Variants in UBR2 observed in about 807,000 individuals in gnomAD.
UBR2 encodes the protein E3 ubiquitin-protein ligase UBR2.
In UBR2, 92 loss-of-function variants were observed where a neutral mutation model predicts 247.9. The ratio of observed to expected loss-of-function variants is 0.37; its 90% CI spans 0.31 to 0.44. The LOEUF (loss-of-function observed/expected upper bound fraction) is 0.44, where lower values mean the gene tolerates loss of function less well. Among genes scored for constraint, UBR2 ranks in the 20% least tolerant of loss-of-function variants. The pLI, the probability that UBR2 is intolerant of heterozygous loss-of-function variation, is 1.00. For missense variants in UBR2, 1,613 were observed against 2,112.6 expected (o/e 0.76, Z 4.64); for synonymous variants, 672 against 693.5 (o/e 0.97, Z 0.49).
Position 42,564,346 on chromosome 6 carries a change from G to A in UBR2, c.27G>A (p.Val9=). The change falls in exon 1 of 47, where the codon GTG becomes GTA. Residue 9 remains valine, a synonymous_variant. Coordinates refer to ENST00000372901, the MANE Select transcript of UBR2 (RefSeq NM_001363705.2). Reference sequence around the variant, plus strand: ...TGGCGTCGGAGCTAGAGCCAGAGGTGCAGGCCATCGACCGGAGCTTGCTGG... The same window carrying A: ...TGGCGTCGGAGCTAGAGCCAGAGGTACAGGCCATCGACCGGAGCTTGCTGG... The part of the protein sequence containing the change: MASELEPE[V]QAIDRSLLEC... The A allele has an allele frequency of 6.2e-7, 1 of 1,612,376 alleles. No homozygotes were observed. The highest frequency in any genetic ancestry group is 8.5e-7 in the Non-Finnish European group (1 of 1,179,386).
intron 11 of UBR2, chr6:42,619,823 T>C: frequency 2.3e-6 from 1 of 431,592 alleles, no homozygotes; most frequent in Non-Finnish European, 3.1e-6. Flanking sequence ...GCTTAGGCAA[T>C]CCTCCTGTCT....
At chr6:42,583,617 G>C (rs1230765715) in intron 2 of UBR2, among the ~76,000 whole-genome samples, 1 of 151,796 alleles carries the variant, frequency 6.6e-6, no homozygotes, top group Non-Finnish European at 1.5e-5. Context: ...TGCCTACCAG[G>C]TTCAAGCCAT....
At chr6:42,637,316 A>T (rs1796158863) in intron 15 of UBR2, 122 bp downstream of exon 15, 4 of 1,088,826 alleles carry the variant, frequency 3.7e-6, no homozygotes, top group Non-Finnish European at 5.2e-6. Context: ...TCATTAACTT[A>T]TCCAATCATC....
At chr6:42,649,533 G>GTCC (rs1439455795) in intron 22 of UBR2, among the ~76,000 whole-genome samples, 1 of 151,936 alleles carries the variant, frequency 6.6e-6, no homozygotes, top group African/African-American at 2.4e-5. Context: ...TCCCAAAAAA[G>GTCC]TCCTCGATTT....
chr6:42,667,617 G>T (rs1582692515), intron 34 of UBR2, among the ~76,000 whole-genome samples: 5 of 74,966 alleles, frequency 6.7e-5, no homozygotes, highest in East Asian at 8.1e-4. Context: ...TTTTTGAGAT[G>T]GAATCTCGTG....
chr6:42,614,428 A>ATACG (rs1237369949), intron 8 of UBR2, among the ~76,000 whole-genome samples: 6 of 143,768 alleles, frequency 4.2e-5, no homozygotes, highest in East Asian at 2.0e-4. Flanking sequence ...ACGTACATAT[A>ATACG]TATGTATGTA....
intron 22 of UBR2, 118 bp from the exon 23 acceptor site, chr6:42,650,166 C>T (rs1242085887): frequency 4.0e-6 from 3 of 759,384 alleles, no homozygotes; most frequent in Non-Finnish European, 6.4e-6. Context: ...ATAGTTGTAG[C>T]TTAACACCCA....
intron 34 of UBR2, among the ~76,000 whole-genome samples, chr6:42,669,726 C>G (rs531084432): frequency 3.3e-5 from 5 of 152,298 alleles, no homozygotes; most frequent in Admixed American, 3.3e-4. Flanking sequence ...TGGTGACCCC[C>G]GAATGTCTGT....
Position 42,642,432 on chromosome 6 carries a change from A to T in UBR2, c.2048A>T (p.Asn683Ile). 6.2e-7 allele frequency: 1 copy of T among 1,608,904 alleles called. No homozygotes were observed. Among genetic ancestry groups the T allele is most frequent in the Non-Finnish European group, 8.5e-7 (1 of 1,176,216 alleles). ...SLVNQIYYYH[N>I]VKCRREMFDK... is the part of the protein sequence containing the mutation. The stretch of plus-strand genomic sequence containing the variant: ...TTTTTTTAGATTTATTACTACCATA[A>T]TGTGAAATGCAGACGTGAGATGTTT... The change falls in exon 18 of 47, where the codon AAT (asparagine) becomes ATT (isoleucine). Residue 683 changes from asparagine to isoleucine, a missense_variant. Asn to Ile is a moderately radical substitution (Grantham distance 149, BLOSUM62 -3). Coordinates refer to ENST00000372901, the MANE Select transcript of UBR2 (RefSeq NM_001363705.2).
chr6:42,624,714 C>T (rs1795224609), intron 11 of UBR2, among the ~76,000 whole-genome samples: 1 of 152,022 alleles, frequency 6.6e-6, no homozygotes, highest in African/African-American at 2.4e-5. Flanking sequence ...GTGCTGAGTC[C>T]ACTTGTGGCT....
chr6:42,622,943 A>G (rs1166606474), intron 11 of UBR2, among the ~76,000 whole-genome samples: 1 of 152,052 alleles, frequency 6.6e-6, no homozygotes, highest in Non-Finnish European at 1.5e-5. Context: ...CTGGGATTAC[A>G]GGCATGAGCC....
intron 4 of UBR2, among the ~76,000 whole-genome samples, chr6:42,600,561 A>G (rs1335082600): frequency 1.4e-5 from 2 of 147,426 alleles, no homozygotes; most frequent in African/African-American, 5.1e-5. Flanking sequence ...CTTAGAAGTT[A>G]AAATTTGTGT....
chr6:42,669,315 C>A (rs1798300737), intron 34 of UBR2, among the ~76,000 whole-genome samples: 1 of 152,090 alleles, frequency 6.6e-6, no homozygotes, highest in South Asian at 2.1e-4. Flanking sequence ...GTATATGAAT[C>A]TTTTTTTATT....
chr6:42,684,600 CAAAA>C (rs1431139224), intron 43 of UBR2, among the ~76,000 whole-genome samples, 190 bp from the exon 44 acceptor site: 1 of 150,536 alleles, frequency 6.6e-6, no homozygotes, highest in Non-Finnish European at 1.5e-5. Flanking sequence ...AAACAAAAAA[CAAAA>C]ACAAAAAAAA....
At chr6:42,613,714 TTTTC>T (rs1257641400) in intron 8 of UBR2, among the ~76,000 whole-genome samples, 1 of 152,072 alleles carries the variant, frequency 6.6e-6, no homozygotes, top group Admixed American at 6.5e-5. Context: ...CTGCTGAAAA[TTTTC>T]TTTGAGATAT....
At chr6:42,685,714 T>G (rs1158424109) in intron 44 of UBR2, among the ~76,000 whole-genome samples, 2 of 152,042 alleles carry the variant, frequency 1.3e-5, no homozygotes, top group Non-Finnish European at 2.9e-5. Context: ...CGGCAGTAAT[T>G]TTTAATATAG....
At position 42,652,570 on chromosome 6, in the gene UBR2, G is replaced by A. The variant is rs774654956; in HGVS notation, c.2694G>A (p.Leu898=). The change falls in exon 25 of 47, where the codon TTG becomes TTA. Residue 898 remains leucine, a synonymous_variant. Transcript: ENST00000372901. ...ACATTTTGCAGTCAGATGTCATGTT[G>A]TGCATCATGGGAACAATTCTGCAAT... ...LVNILQSDVM[L]CIMGTILQWA... is the part of the protein sequence containing the mutation. 1.2e-6 allele frequency: 2 copies of A among 1,613,608 alleles called. No individual in the cohort carries two copies. The highest frequency in any genetic ancestry group is 1.3e-5 in the African/African-American group (1 of 74,916).
chr6:42,629,434 A>T (rs1795559876), intron 11 of UBR2, among the ~76,000 whole-genome samples: 1 of 149,802 alleles, frequency 6.7e-6, no homozygotes. Flanking sequence ...CAGGCAGATC[A>T]CTTGAGGTCA....
chr6:42,605,046 A>AAAAACAT (rs1303433639), intron 5 of UBR2, among the ~76,000 whole-genome samples: 1 of 151,870 alleles, frequency 6.6e-6, no homozygotes, highest in Non-Finnish European at 1.5e-5. Flanking sequence ...ACAAAAAACA[A>AAAAACAT]AAAAAACCAT....
Sources: allele counts gnomAD v4.1 joint callset (sites outside exome capture counted in the v4.1 genomes callset), GRCh38; gene constraint gnomAD v4.1.1; transcripts MANE v1.5; gene names NCBI Gene and HGNC (gene_info 2026-07-23, HGNC 2026-07-21).